Variants in SF3B1 observed in about 807,000 individuals in gnomAD.
The protein encoded by SF3B1 is splicing factor 3b subunit 1.
Under a neutral mutation model 153.8 loss-of-function variants are expected in SF3B1, and 12 were observed. The ratio of observed to expected loss-of-function variants is 0.08; its 90% CI spans 0.05 to 0.13. SF3B1 has a LOEUF of 0.13. Ranked by LOEUF, SF3B1 falls within the 10% of genes least tolerant of loss-of-function variation. The probability of loss-of-function intolerance (pLI) is 1.00; values close to 1 mark genes in which losing one functional copy is unlikely to be tolerated. For missense variants in SF3B1, 513 were observed against 1,606.1 expected (o/e 0.32, Z 11.63); for synonymous variants, 498 against 525.2 (o/e 0.95, Z 0.71).
At chr2:197,418,842 G>C (rs1380171459) in intron 4 of SF3B1, 26 of 1,542,446 alleles carry the variant, frequency 1.7e-5, no homozygotes, top group Non-Finnish European at 2.2e-5. Context: ...TGACAGCACA[G>C]TTTAGAGTCT....
At chr2:197,412,146 G>T (rs1225093877) in intron 6 of SF3B1, among the ~76,000 whole-genome samples, 1 of 151,026 alleles carries the variant, frequency 6.6e-6, no homozygotes, top group African/African-American at 2.4e-5. Flanking sequence ...ATTACTCAGG[G>T]TTGAAAAATT....
At chr2:197,432,098 T>C (rs1453631215) in intron 1 of SF3B1, among the ~76,000 whole-genome samples, 1 of 152,148 alleles carries the variant, frequency 6.6e-6, no homozygotes, top group Non-Finnish European at 1.5e-5. Flanking sequence ...CACTCCAACC[T>C]GGGCAACAGG....
Position 197,405,463 on chromosome 2 carries a change from G to A in SF3B1, c.1249C>T (p.Pro417Ser). ...MFPEGYKVLPPPAGYVPIRTP... is the reference protein window; with the variant it reads ...MFPEGYKVLPSPAGYVPIRTP... Reference sequence around the variant, plus strand: ...CGAATAGGAACATAACCAGCTGGAGGAGGAAGTACCTAATAAAAGTTATAA... The same window carrying A: ...CGAATAGGAACATAACCAGCTGGAGAAGGAAGTACCTAATAAAAGTTATAA... The change falls in exon 10 of 25, where the codon CCT (proline) becomes TCT (serine). Residue 417 changes from proline (P) to serine (S), a missense_variant. Pro to Ser is a moderately conservative substitution (Grantham distance 74). This residue lies in a region of SF3B1 where 15 missense variants were observed against 94.8 expected (regional missense o/e 0.16). Transcript: ENST00000335508. 1 of 1,609,720 alleles carries A rather than the reference G, an allele frequency of 6.2e-7. No individual in the cohort carries two copies. Among genetic ancestry groups the A allele is most frequent in the Non-Finnish European group, 8.5e-7 (1 of 1,177,114 alleles).
intron 3 of SF3B1, among the ~76,000 whole-genome samples, 175 bp from the exon 4 acceptor site, chr2:197,420,717 G>A (rs550815239): frequency 6.6e-6 from 1 of 152,248 alleles, no homozygotes; most frequent in East Asian, 1.9e-4. Flanking sequence ...TGGAAACAAG[G>A]TAATATACAT....
At chr2:197,417,157 T>C (rs977374001) in intron 5 of SF3B1, among the ~76,000 whole-genome samples, 3 of 152,200 alleles carry the variant, frequency 2.0e-5, no homozygotes, top group African/African-American at 7.2e-5. Flanking sequence ...GTAGTTTATA[T>C]ACTGGAGGTG....
rs372598612 is a variant in SF3B1 at position 197,400,539 on chromosome 2, G to GT, written c.2719-106dup. The GT allele has an allele frequency of 5.4e-6, 6 of 1,116,168 alleles. No individual in the cohort carries two copies. Among genetic ancestry groups the GT allele is most frequent in the South Asian group, 4.8e-5 (3 of 62,234 alleles). The allele number at this position is 1,116,168 out of a possible 1,614,324, so 69.1% of individuals were successfully genotyped here. On this transcript the variant is annotated intron_variant, in intron 18 of 24. Transcript: ENST00000335508. The surrounding 1 kb of genome is among the most constrained non-coding windows in gnomAD (Gnocchi z 5.0). ...TCTAACCACCCAAACATCTGTTGCT[G>GT]TTTTTTTACATCAAATCTTAAAACT...
intron 23 of SF3B1, among the ~76,000 whole-genome samples, chr2:197,393,816 A>G (rs1056885766): frequency 1.3e-5 from 2 of 152,190 alleles, no homozygotes; most frequent in Admixed American, 6.5e-5. Context: ...TTATTATGCT[A>G]CTAAAGAGGA....
intron 1 of SF3B1, among the ~76,000 whole-genome samples, chr2:197,424,646 T>C (rs931014289): frequency 1.3e-5 from 2 of 152,226 alleles, no homozygotes; most frequent in Admixed American, 6.5e-5. Flanking sequence ...TTGTCACTCT[T>C]TGCTCTTCTT....
rs1298903270 is a variant in SF3B1, at chr2:197,421,080, T to C, written c.249A>G (p.Gly83=). The change falls in exon 3 of 25, where the codon GGA becomes GGG. Residue 83 remains glycine (G), a synonymous_variant. Transcript: ENST00000335508. The part of the protein sequence containing the change: ...STSLLGQKKP[G]YHAPVALLND... The stretch of plus-strand genomic sequence containing the variant: ...TAAGCAATGCCACAGGGGCATGATA[T>C]CCTGGCTTCTTCTGACCAAGCAAAC... 3 of 1,613,622 alleles carry C rather than the reference T, an allele frequency of 1.9e-6. No homozygotes were observed. Among genetic ancestry groups the C allele is most frequent in the East Asian group, 2.2e-5 (1 of 44,816 alleles).
intron 24 of SF3B1, among the ~76,000 whole-genome samples, 164 bp downstream of exon 24, chr2:197,392,808 A>G (rs946466919): frequency 3.3e-5 from 5 of 152,146 alleles, no homozygotes; most frequent in Non-Finnish European, 7.4e-5. Flanking sequence ...TACCTAATGC[A>G]TGCAGGGCTT....
At chr2:197,408,341 A>C (rs2085021576) in intron 8 of SF3B1, 28 bp downstream of exon 8, 1 of 1,596,278 alleles carries the variant, frequency 6.3e-7, no homozygotes, top group African/African-American at 1.3e-5. Context: ...GGAGAAAAAA[A>C]CAATTATGTC....
At chr2:197,408,743 T>C (rs976328283) in intron 7 of SF3B1, 162 bp from the exon 8 acceptor site, 2 of 602,136 alleles carry the variant, frequency 3.3e-6, no homozygotes, top group South Asian at 2.0e-5. Context: ...ATCAACATGA[T>C]GAAACTCTGT....
At chr2:197,409,071 A>C (rs1036811877) in intron 7 of SF3B1, among the ~76,000 whole-genome samples, 1 of 152,188 alleles carries the variant, frequency 6.6e-6, no homozygotes, top group African/African-American at 2.4e-5. Context: ...CAGGCTGGGC[A>C]ATGAAGCAAG....
At chr2:197,425,309 T>C (rs908202935) in intron 1 of SF3B1, among the ~76,000 whole-genome samples, 1 of 151,156 alleles carries the variant, frequency 6.6e-6, no homozygotes, top group Admixed American at 6.6e-5. Flanking sequence ...CTACTAAAAA[T>C]ACAAAAATTA....
At chr2:197,426,010 A>T (rs944604732) in intron 1 of SF3B1, among the ~76,000 whole-genome samples, 3 of 151,928 alleles carry the variant, frequency 2.0e-5, no homozygotes, top group Non-Finnish European at 4.4e-5. Flanking sequence ...ACAAACAGAA[A>T]GAAAGAAACT....
intron 6 of SF3B1, among the ~76,000 whole-genome samples, chr2:197,411,361 TTATA>T (rs1324524667): frequency 6.6e-6 from 1 of 152,156 alleles, no homozygotes; most frequent in Non-Finnish European, 1.5e-5. Flanking sequence ...GTAATGTACT[TTATA>T]TATTTGTTTT....
chr2:197,408,282 A>G, intron 8 of SF3B1, 87 bp downstream of exon 8: 1 of 1,358,936 alleles, frequency 7.4e-7, no homozygotes, highest in Middle Eastern at 1.9e-4. Context: ...CTAGAAGTTG[A>G]CATTAATAGT....
At chr2:197,424,513 G>A (rs1310636925) in intron 1 of SF3B1, among the ~76,000 whole-genome samples, 10 of 147,016 alleles carry the variant, frequency 6.8e-5, no homozygotes, top group South Asian at 2.1e-4. Context: ...AAAAAAAACC[G>A]TGACAAAATA....
At chr2:197,412,469 C>T (rs1164937379) in intron 6 of SF3B1, among the ~76,000 whole-genome samples, 3 of 151,486 alleles carry the variant, frequency 2.0e-5, no homozygotes, top group Non-Finnish European at 4.4e-5. Context: ...GATTCTCCTG[C>T]CTCAGCCTCC....
Sources: allele counts gnomAD v4.1 joint callset (sites outside exome capture counted in the v4.1 genomes callset), GRCh38; gene constraint gnomAD v4.1.1; regional missense constraint gnomAD v4.1.1; non-coding constraint Gnocchi (gnomAD v3.1); transcripts MANE v1.5; gene names NCBI Gene and HGNC (gene_info 2026-07-23, HGNC 2026-07-21).